KLF8: variants seen among roughly 807,000 people sequenced by gnomAD.
The protein encoded by KLF8 is Krueppel-like factor 8.
Under a neutral mutation model 18.2 loss-of-function variants are expected in KLF8, and 10 were observed. The observed-to-expected ratio is 0.55, with a 90% confidence interval of 0.34 to 0.93. The LOEUF (loss-of-function observed/expected upper bound fraction) is 0.93. KLF8 is among the 40% of genes least tolerant of loss of function. The pLI is 0.02. For missense variants in KLF8, 264 were observed against 277.9 expected, an observed-to-expected ratio of 0.95 and a Z score of 0.36; for synonymous variants, 109 against 97.3, an observed-to-expected ratio of 1.12 and a Z score of -0.71.
the KLF8 span, among the ~76,000 whole-genome samples, chrX:55,989,970 G>C: frequency 1.9e-4 from 21 of 111,813 alleles, no homozygotes; most frequent in South Asian, 6.0e-3. Flanking sequence ...ATTTCTTCTA[G>C]AGTTTCTAGT....
At chrX:56,251,455 T>A (rs1479576204) in intron 2 of KLF8, among the ~76,000 whole-genome samples, 11 of 109,372 alleles carry the variant, frequency 1.0e-4, no homozygotes, top group African/African-American at 2.3e-4. Context: ...TTTTATATAT[T>A]TATTTATTTA....
chrX:56,147,135 C>A, the KLF8 span, among the ~76,000 whole-genome samples: 1 of 112,104 alleles, frequency 8.9e-6, no homozygotes, highest in South Asian at 3.7e-4. Flanking sequence ...TGGCATATTG[C>A]ACCAGTCATC....
chrX:56,187,274 A>T, the KLF8 span, among the ~76,000 whole-genome samples: 1 of 112,199 alleles, frequency 8.9e-6, no homozygotes, highest in African/African-American at 3.2e-5. Flanking sequence ...AAAATCTAGA[A>T]GAAATGGATA....
At chrX:56,169,061 C>T in the KLF8 span, among the ~76,000 whole-genome samples, 1 of 111,480 alleles carries the variant, frequency 9.0e-6, no homozygotes, top group Non-Finnish European at 1.9e-5. Flanking sequence ...AAGGCCCTAG[C>T]TTCTGGATGA....
chrX:55,998,089 G>A, the KLF8 span, among the ~76,000 whole-genome samples: 8 of 112,518 alleles, frequency 7.1e-5, no homozygotes, highest in African/African-American at 2.6e-4. Context: ...TTTTAGATAT[G>A]CATAAACATA....
chrX:56,181,795 C>CG, the KLF8 span, among the ~76,000 whole-genome samples: 1 of 105,641 alleles, frequency 9.5e-6, no homozygotes, highest in African/African-American at 3.6e-5. Flanking sequence ...TTGCTCCCCC[C>CG]CCTTCTGGCT....
chrX:56,113,305 GTTT>G, the KLF8 span, among the ~76,000 whole-genome samples: 6 of 105,363 alleles, frequency 5.7e-5, no homozygotes, highest in Admixed American at 6.2e-4. Context: ...TACTTTCATG[GTTT>G]TTTTTTTTGT....
At chrX:56,054,245 A>AC in the KLF8 span, among the ~76,000 whole-genome samples, 156 of 111,135 alleles carry the variant, frequency 1.4e-3, no homozygotes, top group African/African-American at 4.7e-3. Context: ...TTTCCTTTTA[A>AC]CACTGCCTTA....
the KLF8 span, among the ~76,000 whole-genome samples, chrX:55,914,573 G>A: frequency 3.6e-5 from 4 of 111,869 alleles, no homozygotes; most frequent in African/African-American, 1.3e-4. Context: ...ATATGAGCAA[G>A]TAAAATGTGG....
chrX:56,118,714 A>G, the KLF8 span, among the ~76,000 whole-genome samples: 1 of 111,869 alleles, frequency 8.9e-6, no homozygotes, highest in African/African-American at 3.2e-5. Context: ...TTAATCATCA[A>G]TAAACTATAA....
the KLF8 span, among the ~76,000 whole-genome samples, chrX:56,064,157 GTA>G: frequency 2.4e-4 from 25 of 103,948 alleles, no homozygotes; most frequent in Admixed American, 6.4e-4. Context: ...GTGTGTGTGT[GTA>G]TATATATATA....
At chrX:56,018,169 C>G in the KLF8 span, among the ~76,000 whole-genome samples, 1 of 111,434 alleles carries the variant, frequency 9.0e-6, no homozygotes, top group Non-Finnish European at 1.9e-5. Context: ...TGTTAACCAG[C>G]TCCTCTTCAT....
chrX:56,152,526 AG>A, the KLF8 span, among the ~76,000 whole-genome samples: 2 of 111,094 alleles, frequency 1.8e-5, no homozygotes, highest in Non-Finnish European at 3.8e-5. Flanking sequence ...ATAATAGAGG[AG>A]GGATGGCAAA....
the KLF8 span, among the ~76,000 whole-genome samples, chrX:56,225,444 A>T: frequency 2.7e-5 from 3 of 111,522 alleles, no homozygotes; most frequent in Non-Finnish European, 5.6e-5. Context: ...TATGTTATGC[A>T]AGAGATAGAT....
At chrX:56,161,543 C>A in the KLF8 span, among the ~76,000 whole-genome samples, 1 of 112,226 alleles carries the variant, frequency 8.9e-6, no homozygotes, top group South Asian at 3.7e-4. Flanking sequence ...GATACCCTTT[C>A]TTCCAGTTGA....
At chrX:56,048,410 G>T in the KLF8 span, among the ~76,000 whole-genome samples, 9 of 111,737 alleles carry the variant, frequency 8.1e-5, no homozygotes, top group South Asian at 3.7e-4. Context: ...GGACTAACAT[G>T]TAAGTCTTTA....
chrX:56,190,851 C>G, the KLF8 span, among the ~76,000 whole-genome samples: 201 of 111,144 alleles, frequency 1.8e-3, 6 homozygotes, highest in South Asian at 0.063. Flanking sequence ...ATATAAATAC[C>G]TATCTCAAAA....
the KLF8 span, among the ~76,000 whole-genome samples, chrX:55,966,878 G>T: frequency 8.9e-6 from 1 of 111,759 alleles, no homozygotes; most frequent in Non-Finnish European, 1.9e-5. Context: ...TGAAATTCAA[G>T]ATAACACAAA....
chrX:56,053,811 G>A, the KLF8 span, among the ~76,000 whole-genome samples: 32 of 110,244 alleles, frequency 2.9e-4, no homozygotes, highest in African/African-American at 1.0e-3. Context: ...TTATTATACT[G>A]TCTGGTGTTA....
Sources: gnomAD v4.1 joint callset for allele counts (sites outside exome capture counted in the v4.1 genomes callset) on GRCh38, gnomAD v4.1.1 for gene constraint, MANE v1.5 for transcripts, NCBI Gene and HGNC (gene_info 2026-07-23, HGNC 2026-07-21) for gene names.